ADAMTS12: variants seen among roughly 807,000 people sequenced by gnomAD.
ADAMTS12 encodes ADAM metallopeptidase with thrombospondin type 1 motif 12, also known as A disintegrin and metalloproteinase with thrombospondin motifs 12.
Under a neutral mutation model 167.8 loss-of-function variants are expected in ADAMTS12, and 118 were observed. That is an observed-to-expected ratio of 0.70 (90% CI 0.61 to 0.82). The LOEUF is 0.82. Ranked by LOEUF, ADAMTS12 falls within the 40% of genes least tolerant of loss-of-function variation. The probability of loss-of-function intolerance (pLI) is 0.00; values close to 1 mark genes in which losing one functional copy is unlikely to be tolerated. For missense variants in ADAMTS12, 1,916 were observed against 1,998.8 expected (o/e 0.96, Z 0.79); for synonymous variants, 704 against 716.9 (o/e 0.98, Z 0.29).
chr5:33,633,626 C>T (rs1740059543), intron 12 of ADAMTS12, among the ~76,000 whole-genome samples: 1 of 152,048 alleles, frequency 6.6e-6, no homozygotes, highest in Non-Finnish European at 1.5e-5. Context: ...TCTGTCCCCT[C>T]CTTCTCTGGC....
chr5:33,646,553 C>T (rs1043272648), intron 9 of ADAMTS12, among the ~76,000 whole-genome samples: 3 of 152,160 alleles, frequency 2.0e-5, no homozygotes, highest in Non-Finnish European at 4.4e-5. Flanking sequence ...CCCCATGCTG[C>T]TCATGAAGTC....
intron 3 of ADAMTS12, among the ~76,000 whole-genome samples, chr5:33,685,315 T>C (rs961166260): frequency 1.3e-5 from 2 of 152,224 alleles, no homozygotes; most frequent in Non-Finnish European, 2.9e-5. Flanking sequence ...CTCGACTGCA[T>C]TGAGCTGAAA....
At chr5:33,578,501 G>A (rs1407497109) in intron 18 of ADAMTS12, among the ~76,000 whole-genome samples, 1 of 152,152 alleles carries the variant, frequency 6.6e-6, no homozygotes, top group Non-Finnish European at 1.5e-5. Flanking sequence ...CCAAAGGCAG[G>A]AACTGTTTTT....
At chr5:33,588,341 G>T (rs1747460645) in intron 18 of ADAMTS12, among the ~76,000 whole-genome samples, 1 of 152,168 alleles carries the variant, frequency 6.6e-6, no homozygotes, top group Non-Finnish European at 1.5e-5. Context: ...ACTAGTCTTT[G>T]TGATCCTGTA....
intron 16 of ADAMTS12, among the ~76,000 whole-genome samples, chr5:33,611,634 G>A (rs1372953773): frequency 1.3e-5 from 2 of 152,116 alleles, no homozygotes; most frequent in Non-Finnish European, 2.9e-5. Flanking sequence ...ATTTCACACA[G>A]AAATTAAAAC....
intron 2 of ADAMTS12, among the ~76,000 whole-genome samples, chr5:33,807,086 T>C (rs542488488): frequency 1.3e-5 from 2 of 152,354 alleles, no homozygotes; most frequent in Non-Finnish European, 2.9e-5. Context: ...CTCTGGCCTC[T>C]CTGTGTGTCT....
At chr5:33,887,110 T>C (rs1162585406) in intron 1 of ADAMTS12, among the ~76,000 whole-genome samples, 2 of 152,214 alleles carry the variant, frequency 1.3e-5, no homozygotes, top group East Asian at 1.9e-4. Context: ...GCTATAATCT[T>C]GGCCAATGAA....
At chr5:33,688,447 G>C (rs1742429148) in intron 3 of ADAMTS12, among the ~76,000 whole-genome samples, 1 of 132,534 alleles carries the variant, frequency 7.5e-6, no homozygotes, top group Non-Finnish European at 1.7e-5. Flanking sequence ...TAACAGAACA[G>C]AAGTCCTAGA....
chr5:33,569,204 G>A (rs1327374361), intron 19 of ADAMTS12, among the ~76,000 whole-genome samples: 1 of 152,264 alleles, frequency 6.6e-6, no homozygotes, highest in Non-Finnish European at 1.5e-5. Context: ...AACCTCTGCA[G>A]ACTTAAATGT....
chr5:33,769,936 G>A (rs937299362), intron 2 of ADAMTS12, among the ~76,000 whole-genome samples: 4 of 152,198 alleles, frequency 2.6e-5, no homozygotes, highest in African/African-American at 9.6e-5. Flanking sequence ...GGTAAAGTAT[G>A]TATATACCCT....
chr5:33,713,654 TGAG>T lies in ADAMTS12; in HGVS notation c.635-29602_635-29600del, dbSNP rs34227630. On this transcript the variant is annotated intron_variant, in intron 3 of 23. Transcript: ENST00000504830. ...GGAGATGACAAGAAAAAAAAATTGA[TGAG>T]GAGAAGATAAAATAAACTGAAACTA... 3.8e-3 allele frequency among the ~76,000 whole-genome samples: 585 copies of T among 152,010 alleles called. 5 individuals are homozygous for T. The highest frequency in any genetic ancestry group is 0.014 in the African/African-American group (564 of 41,470).
At chr5:33,615,085 T>C (rs915779872) in intron 15 of ADAMTS12, among the ~76,000 whole-genome samples, 2 of 152,206 alleles carry the variant, frequency 1.3e-5, no homozygotes, top group Non-Finnish European at 2.9e-5. Context: ...ATGTTTAAAA[T>C]TGATTCACCT....
At chr5:33,605,708 A>G (rs927013727) in intron 16 of ADAMTS12, among the ~76,000 whole-genome samples, 2 of 152,242 alleles carry the variant, frequency 1.3e-5, no homozygotes, top group Admixed American at 1.3e-4. Context: ...CACAGAACAG[A>G]GAATAAAGAG....
At chr5:33,840,567 T>A (rs1748713330) in intron 2 of ADAMTS12, among the ~76,000 whole-genome samples, 1 of 152,160 alleles carries the variant, frequency 6.6e-6, no homozygotes, top group African/African-American at 2.4e-5. Context: ...GTTGTGAAGG[T>A]TATGTGAAAT....
At chr5:33,719,330 C>T (rs1743724687) in intron 3 of ADAMTS12, among the ~76,000 whole-genome samples, 1 of 151,948 alleles carries the variant, frequency 6.6e-6, no homozygotes, top group Non-Finnish European at 1.5e-5. Context: ...TTGTTTCTCC[C>T]AAGAGGTTTT....
chr5:33,783,239 G>A (rs1746205475), intron 2 of ADAMTS12, among the ~76,000 whole-genome samples: 1 of 151,544 alleles, frequency 6.6e-6, no homozygotes, highest in Non-Finnish European at 1.5e-5. Context: ...TGAATTTATG[G>A]GTTACAATGA....
chr5:33,773,138 CT>C (rs1326361671), intron 2 of ADAMTS12, among the ~76,000 whole-genome samples: 1 of 152,102 alleles, frequency 6.6e-6, no homozygotes, highest in Non-Finnish European at 1.5e-5. Context: ...TTTTATTCTT[CT>C]TTTTTCCAAG....
intron 3 of ADAMTS12, among the ~76,000 whole-genome samples, chr5:33,689,799 A>T (rs891187866): frequency 1.3e-5 from 2 of 152,234 alleles, no homozygotes; most frequent in African/African-American, 4.8e-5. Flanking sequence ...TGTCTAATGA[A>T]GAAACTGAAT....
intron 2 of ADAMTS12, among the ~76,000 whole-genome samples, chr5:33,835,023 GTAC>G (rs1561297969): frequency 6.6e-6 from 1 of 152,118 alleles, no homozygotes; most frequent in Non-Finnish European, 1.5e-5. Flanking sequence ...ATAAACAATA[GTAC>G]TTTCCATAAC....
Sources: allele counts gnomAD v4.1 joint callset (sites outside exome capture counted in the v4.1 genomes callset), GRCh38; gene constraint gnomAD v4.1.1; transcripts MANE v1.5; gene names NCBI Gene and HGNC (gene_info 2026-07-23, HGNC 2026-07-21).